The following GLI2 variants were observed in gnomAD, a reference collection of about 807,000 sequenced individuals.
GLI2 encodes transcription activator GLI2.
GLI2 carries 22 observed loss-of-function variants against 78.9 expected under a neutral mutation model. The observed-to-expected ratio is 0.28, with a 90% confidence interval of 0.20 to 0.40. GLI2 has a LOEUF of 0.40. Ranked by LOEUF, GLI2 falls within the 10% of genes least tolerant of loss-of-function variation. GLI2 has a pLI of 1.00. For synonymous variants in GLI2, 974 were observed against 963.7 expected (o/e 1.01, Z -0.20); for missense variants, 2,097 against 2,213.2 (o/e 0.95, Z 1.05).
At chr2:120,937,314 A>G (rs4848131) in intron 3 of GLI2, among the ~76,000 whole-genome samples, 145,452 of 152,250 alleles carry the variant, frequency 0.96, 69,694 homozygotes, top group East Asian at 1. Context: ...ATTTTGTAGC[A>G]GTGAAGTCAG....
intron 2 of GLI2, among the ~76,000 whole-genome samples, chr2:120,823,323 G>T (rs72835557): frequency 6.8e-4 from 104 of 152,276 alleles, no homozygotes; most frequent in African/African-American, 1.8e-3. Flanking sequence ...GCCATACAGT[G>T]GGGGGAAGGG....
chr2:120,760,556 G>A (rs952687612), intron 1 of GLI2, among the ~76,000 whole-genome samples: 1 of 152,124 alleles, frequency 6.6e-6, no homozygotes, highest in Admixed American at 6.5e-5. Context: ...TTCTGGGGAG[G>A]TGACCACATT....
At chr2:120,769,737 T>G (rs1363616427) in intron 1 of GLI2, among the ~76,000 whole-genome samples, 1 of 152,180 alleles carries the variant, frequency 6.6e-6, no homozygotes, top group African/African-American at 2.4e-5. Flanking sequence ...CTGTGTGCAT[T>G]TGCTTGCGTC....
chr2:120,803,265 G>A (rs1013713859), intron 2 of GLI2, among the ~76,000 whole-genome samples: 5 of 152,244 alleles, frequency 3.3e-5, no homozygotes, highest in African/African-American at 1.2e-4. Context: ...ACCTTAGGCA[G>A]GTCCGTGCCT....
chr2:120,931,087 C>T (rs1679925794), intron 3 of GLI2, among the ~76,000 whole-genome samples: 1 of 152,236 alleles, frequency 6.6e-6, no homozygotes, highest in Non-Finnish European at 1.5e-5. Context: ...TAACTAATTA[C>T]CACAAACTTC....
At chr2:120,866,593 TC>T (rs943707322) in intron 2 of GLI2, 4 of 147,372 alleles carry the variant, frequency 2.7e-5, no homozygotes, top group African/African-American at 9.9e-5. Flanking sequence ...TCTCCTGCCA[TC>T]CCCCACCCCC....
At chr2:120,942,362 G>A (rs967450952) in intron 3 of GLI2, among the ~76,000 whole-genome samples, 3 of 152,140 alleles carry the variant, frequency 2.0e-5, no homozygotes, top group Admixed American at 1.3e-4. Flanking sequence ...AGCTTCTGGT[G>A]CTGCCAACTT....
At chr2:120,739,113 C>T (rs1447170242) in intron 1 of GLI2, among the ~76,000 whole-genome samples, 1 of 152,190 alleles carries the variant, frequency 6.6e-6, no homozygotes, top group African/African-American at 2.4e-5. Context: ...CTTGTTTGCA[C>T]TGCAGACTGA....
At chr2:120,815,806 C>T (rs1350341340) in intron 2 of GLI2, among the ~76,000 whole-genome samples, 4 of 152,202 alleles carry the variant, frequency 2.6e-5, no homozygotes, top group Non-Finnish European at 5.9e-5. Context: ...AAGCCACGGT[C>T]TCTGCCTCTG....
At chr2:120,902,744 C>A (rs769745194) in intron 2 of GLI2, among the ~76,000 whole-genome samples, 1 of 152,312 alleles carries the variant, frequency 6.6e-6, no homozygotes, top group African/African-American at 2.4e-5. Context: ...TTCCTGGCAT[C>A]TGGTTCCTAT....
intron 3 of GLI2, among the ~76,000 whole-genome samples, chr2:120,939,686 G>GA (rs1680363554): frequency 6.6e-6 from 1 of 152,160 alleles, no homozygotes; most frequent in African/African-American, 2.4e-5. Flanking sequence ...TGGCATTTGG[G>GA]ATGTGTCTGT....
At chr2:120,832,141 C>A (rs559549936) in intron 2 of GLI2, among the ~76,000 whole-genome samples, 4 of 152,200 alleles carry the variant, frequency 2.6e-5, no homozygotes, top group Non-Finnish European at 5.9e-5. Context: ...TCTGGTCCCA[C>A]AAGGAGTCAG....
At position 120,737,195 on chromosome 2, in the gene GLI2, CG is replaced by C. The variant is rs1682392200; in HGVS notation, c.-31+914del. Reference sequence around the variant, plus strand: ...GTCTTTTCCCCGGACGGGGCGGGGGCGGGGAGCTGGGAGGGAGCGTGTGCTT... The same window carrying C: ...GTCTTTTCCCCGGACGGGGCGGGGGCGGGAGCTGGGAGGGAGCGTGTGCTT... On this transcript the variant is annotated intron_variant, in intron 1 of 13. Transcript: ENST00000361492. This position sits in a 1 kb window ranked among gnomAD's most constrained non-coding sequence, Gnocchi z 4.3. 6.6e-6 allele frequency among the ~76,000 whole-genome samples: 1 copy of C among 151,834 alleles called. No individual in the cohort carries two copies. Among genetic ancestry groups the C allele is most frequent in the Non-Finnish European group, 1.5e-5 (1 of 67,944 alleles).
At chr2:120,924,469 T>C (rs1442759614) in intron 2 of GLI2, among the ~76,000 whole-genome samples, 1 of 151,986 alleles carries the variant, frequency 6.6e-6, no homozygotes, top group Non-Finnish European at 1.5e-5. Context: ...TTCCGTTTCC[T>C]CATCTCTTTA....
intron 1 of GLI2, among the ~76,000 whole-genome samples, chr2:120,789,847 C>T (rs1684096642): frequency 1.3e-5 from 2 of 152,368 alleles, no homozygotes; most frequent in South Asian, 4.1e-4. Context: ...GCTTACTTAT[C>T]CTCTCTGGGC....
intron 8 of GLI2, chr2:120,972,685 C>G (rs1304395613): frequency 1.9e-6 from 1 of 518,836 alleles, no homozygotes; most frequent in Non-Finnish European, 3.8e-6. Flanking sequence ...TGTGCAGTCA[C>G]TGACACAGTA....
Position 120,988,627 on chromosome 2 carries a change from C to A in GLI2, c.2662C>A (p.Leu888Met). 1 of 1,453,680 alleles carries A rather than the reference C, an allele frequency of 6.9e-7. No individual in the cohort carries two copies. The highest frequency in any genetic ancestry group is 9.0e-7 in the Non-Finnish European group (1 of 1,108,596). 90.0% of individuals were successfully genotyped at this position (1,453,680 alleles called of 1,614,324 possible). A position where few individuals can be genotyped will look rare whatever the true frequency, so the allele number is the denominator to read the frequency against. The stretch of plus-strand genomic sequence containing the variant: ...CACTGGCGGCCCCCCGCCCACTCCG[C>A]TGCCGGGCCTGGAGCGCATGAGCCT... ...AATGGPPPTP[L>M]PGLERMSLRT... The change falls in exon 14 of 14, where the codon CTG becomes ATG. Residue 888 changes from leucine to methionine, a missense_variant. By Grantham distance (15) the Leu-to-Met change is conservative. This residue lies in a region of GLI2 where 1,290 missense variants were observed against 1,261.7 expected (regional missense o/e 1.02). Coordinates refer to ENST00000361492, the MANE Select transcript of GLI2 (RefSeq NM_001374353.1).
At chr2:120,852,435 G>A (rs1342615985) in intron 2 of GLI2, among the ~76,000 whole-genome samples, 2 of 152,178 alleles carry the variant, frequency 1.3e-5, no homozygotes, top group Non-Finnish European at 2.9e-5. Context: ...GGGGTGCCAG[G>A]GGGACAGCTG....
chr2:120,808,394 A>G (rs1005405329), intron 2 of GLI2, among the ~76,000 whole-genome samples: 2 of 152,050 alleles, frequency 1.3e-5, no homozygotes, highest in Non-Finnish European at 2.9e-5. Flanking sequence ...GTTGTCCATC[A>G]TCCTCCTGTG....
Sources: gnomAD v4.1 joint callset for allele counts (sites outside exome capture counted in the v4.1 genomes callset) on GRCh38, gnomAD v4.1.1 for gene constraint, gnomAD v4.1.1 regional missense constraint, Gnocchi (gnomAD v3.1) non-coding constraint, MANE v1.5 for transcripts, NCBI Gene and HGNC (gene_info 2026-07-23, HGNC 2026-07-21) for gene names.